Variants in ITPR1 observed in about 807,000 individuals in gnomAD.
ITPR1 encodes the protein inositol 1,4,5-trisphosphate-gated calcium channel ITPR1.
Under a neutral mutation model 318.4 loss-of-function variants are expected in ITPR1, and 96 were observed. The observed-to-expected ratio is 0.30, with a 90% CI of 0.26 to 0.36. The LOEUF is 0.36. ITPR1 is among the 10% of genes least tolerant of loss of function. The probability of loss-of-function intolerance (pLI) is 1.00; values close to 1 mark genes in which losing one functional copy is unlikely to be tolerated. For synonymous variants in ITPR1, 1,312 were observed against 1,289.9 expected (o/e 1.02, Z -0.37); for missense variants, 2,440 against 3,460.2 (o/e 0.71, Z 7.40).
chr3:4,822,787 G>A (rs531938268), intron 60 of ITPR1, among the ~76,000 whole-genome samples: 1 of 152,240 alleles, frequency 6.6e-6, no homozygotes, highest in South Asian at 2.1e-4. Context: ...CTCATTCCCC[G>A]AGATGCAATC....
chr3:4,843,955 G>A (rs1156707697), intron 61 of ITPR1, among the ~76,000 whole-genome samples: 9 of 152,084 alleles, frequency 5.9e-5, no homozygotes, highest in Non-Finnish European at 7.4e-5. Context: ...ATGAAAATAC[G>A]CATACTAAAA....
At chr3:4,530,550 A>G (rs887003280) in intron 4 of ITPR1, among the ~76,000 whole-genome samples, 1 of 152,198 alleles carries the variant, frequency 6.6e-6, no homozygotes, top group Non-Finnish European at 1.5e-5. Context: ...TTGAGAGGCC[A>G]AGGCGGGAGG....
chr3:4,549,013 CT>C (rs899375227), intron 4 of ITPR1, among the ~76,000 whole-genome samples: 1 of 152,146 alleles, frequency 6.6e-6, no homozygotes, highest in Non-Finnish European at 1.5e-5. Flanking sequence ...TGTTTTTCTT[CT>C]TGGTCACAGA....
intron 33 of ITPR1, among the ~76,000 whole-genome samples, chr3:4,695,939 A>G (rs1456623645): frequency 6.6e-6 from 1 of 152,154 alleles, no homozygotes; most frequent in Non-Finnish European, 1.5e-5. Flanking sequence ...GGATCACAGG[A>G]GGTGCATTTC....
intron 4 of ITPR1, among the ~76,000 whole-genome samples, chr3:4,600,992 G>C (rs1360849491): frequency 6.6e-6 from 1 of 152,064 alleles, no homozygotes; most frequent in East Asian, 1.9e-4. Flanking sequence ...TTTTCAGAAA[G>C]TAAATATTTT....
intron 20 of ITPR1, 143 bp downstream of exon 20, chr3:4,671,069 T>C (rs2094068057): frequency 3.2e-6 from 2 of 630,010 alleles, no homozygotes; most frequent in East Asian, 2.9e-5. Flanking sequence ...GATGTGTGTT[T>C]TAGGAGTTTG....
Position 4,676,744 on chromosome 3 carries a change from T to C in ITPR1, c.2910T>C (p.Pro970=). 1 of 1,613,710 alleles carries C rather than the reference T, an allele frequency of 6.2e-7. No homozygotes were observed. Among genetic ancestry groups the C allele is most frequent in the South Asian group, 1.1e-5 (1 of 91,034 alleles). The change falls in exon 24 of 62, where the codon CCT becomes CCC. Residue 970 remains proline (P), a synonymous_variant. Transcript: ENST00000649015. ...APEGNVKQAE[P]EKEDIMVMDT... The stretch of plus-strand genomic sequence containing the variant: ...AAGGCAATGTGAAGCAGGCAGAGCC[T>C]GAGAAGGAGGACATCATGGTCATGG...
chr3:4,637,009 T>C (rs1263958496), intron 5 of ITPR1, among the ~76,000 whole-genome samples: 2 of 152,232 alleles, frequency 1.3e-5, no homozygotes, highest in African/African-American at 2.4e-5. Flanking sequence ...ACTGAAGCCA[T>C]TGGACATTCT....
chr3:4,541,677 G>A (rs910703261), intron 4 of ITPR1, among the ~76,000 whole-genome samples: 5 of 151,846 alleles, frequency 3.3e-5, no homozygotes, highest in Non-Finnish European at 7.4e-5. Flanking sequence ...CCAGGCTGGA[G>A]TGCAGTGGCG....
At chr3:4,527,262 G>A (rs568047139) in intron 4 of ITPR1, among the ~76,000 whole-genome samples, 44 of 152,220 alleles carry the variant, frequency 2.9e-4, no homozygotes, top group African/African-American at 9.9e-4. Flanking sequence ...CTGCAGCCTC[G>A]ACCTTCTGGG....
intron 5 of ITPR1, among the ~76,000 whole-genome samples, chr3:4,629,835 C>G (rs925261841): frequency 7.9e-5 from 12 of 152,010 alleles, no homozygotes; most frequent in Admixed American, 5.9e-4. Flanking sequence ...AAGGAAGTGC[C>G]GAGTAAGCCT....
chr3:4,710,604 C>G lies in ITPR1; in HGVS notation c.4991+131C>G. ...GAATGCAAGGTCATGTGCTAAAGTC[C>G]TGTTCTGACCTCCCCAAAGTAAGTT... On this transcript the variant is annotated intron_variant, in intron 38 of 61. Transcript: ENST00000649015. This position sits in a 1 kb window ranked among gnomAD's most constrained non-coding sequence, Gnocchi z 4.2. 1.3e-6 allele frequency: 1 copy of G among 796,508 alleles called. No homozygotes were observed. The highest frequency in any genetic ancestry group is 1.9e-6 in the Non-Finnish European group (1 of 529,460). The allele number at this position is 796,508 out of a possible 1,614,324, so 49.3% of individuals were successfully genotyped here.
At chr3:4,744,886 C>G (rs112952194) in intron 44 of ITPR1, among the ~76,000 whole-genome samples, 1,933 of 149,384 alleles carry the variant, frequency 0.013, 30 homozygotes, top group Middle Eastern at 0.031. Context: ...TCCTCCCTCT[C>G]TGTCTCCCTC....
At chr3:4,642,348 A>AT (rs1420211534) in intron 7 of ITPR1, 97 bp downstream of exon 7, 2 of 950,582 alleles carry the variant, frequency 2.1e-6, no homozygotes, top group African/African-American at 3.4e-5. Context: ...AGTTGGAACC[A>AT]GAGGCTTGTC....
intron 18 of ITPR1, among the ~76,000 whole-genome samples, chr3:4,668,214 A>AT (rs60932812): frequency 0.037 from 4,336 of 117,624 alleles, 233 homozygotes; most frequent in African/African-American, 0.1. Flanking sequence ...CGTTCTTTCT[A>AT]TTTTTTTTTT....
At chr3:4,532,753 C>T (rs2083523748) in intron 4 of ITPR1, among the ~76,000 whole-genome samples, 1 of 152,150 alleles carries the variant, frequency 6.6e-6, no homozygotes, top group Non-Finnish European at 1.5e-5. Context: ...TATTTTATGG[C>T]TGTCCTATAG....
In ITPR1 at chr3:4,667,457, G is replaced by T. The variant is rs1344079908; in HGVS notation, c.1794G>T (p.Leu598=). Residue 598 remains leucine (L), a synonymous_variant, in exon 18 of 62, where the codon CTG becomes CTT. Transcript: ENST00000649015. ...DVLAEDTITA[L]LHNNRKLLEK... Reference sequence around the variant, plus strand: ...TGGCTGAAGACACTATCACTGCCCTGCTCCACAATAATCGGAAACTCCTGG... The same window carrying T: ...TGGCTGAAGACACTATCACTGCCCTTCTCCACAATAATCGGAAACTCCTGG... The T allele has an allele frequency of 6.2e-7, 1 of 1,613,738 alleles. No individual in the cohort carries two copies. The highest frequency in any genetic ancestry group is 1.1e-5 in the South Asian group (1 of 91,006).
intron 57 of ITPR1, 147 bp from the exon 58 acceptor site, chr3:4,814,276 G>A: frequency 1.1e-6 from 1 of 899,134 alleles, no homozygotes; most frequent in Non-Finnish European, 1.8e-6. Context: ...GCTTTTGAAA[G>A]AAAATAAGAA....
chr3:4,791,033 G>A (rs1370131330), intron 52 of ITPR1, among the ~76,000 whole-genome samples: 1 of 152,166 alleles, frequency 6.6e-6, no homozygotes, highest in Non-Finnish European at 1.5e-5. Flanking sequence ...CTTGCATGAG[G>A]TTTTCCCATG....
Sources: allele counts gnomAD v4.1 joint callset (sites outside exome capture counted in the v4.1 genomes callset), GRCh38; gene constraint gnomAD v4.1.1; non-coding constraint Gnocchi (gnomAD v3.1); transcripts MANE v1.5; gene names NCBI Gene and HGNC (gene_info 2026-07-23, HGNC 2026-07-21).